The following RECQL4 variants were observed in gnomAD, a reference collection of about 807,000 sequenced individuals.
RECQL4 encodes the protein RecQ like helicase 4, also known as ATP-dependent DNA helicase Q4.
A neutral mutation model predicts 128.6 loss-of-function variants in RECQL4; 158 were observed. The ratio of observed to expected loss-of-function variants is 1.23; its 90% CI spans 1.08 to 1.40. The LOEUF is 1.40. Ranked by LOEUF, RECQL4 falls within the 40% of genes most tolerant of loss-of-function variation. RECQL4 has a pLI of 0.00. For synonymous variants in RECQL4, 996 were observed against 678.9 expected (o/e 1.47, Z -7.26); for missense variants, 2,293 against 1,649.8 (o/e 1.39, Z -6.75).
In RECQL4 at chr8:144,513,281, C is replaced by T. The variant is rs752611044; in HGVS notation, c.2400G>A (p.Gln800=). Residue 800 remains glutamine, a synonymous_variant, in exon 14 of 21, where the codon CAG becomes CAA. Coordinates refer to ENST00000617875, the MANE Select transcript of RECQL4 (RefSeq NM_004260.4). The part of the protein sequence containing the change: ...GLPPSFESYV[Q]AVGRAGRDGQ... ...CGTCACGCCCGGCCCGGCCCACGGC[C>T]TGCACGTAGCTCTCGAAGCTTGGGG... is the stretch of plus-strand genomic sequence containing the variant. The T allele has an allele frequency of 1.9e-6, 3 of 1,598,050 alleles. No homozygotes were observed. Among genetic ancestry groups the T allele is most frequent in the Non-Finnish European group, 2.5e-6 (3 of 1,178,738 alleles).
intron 16 of RECQL4, 35 bp downstream of exon 16, chr8:144,512,607 C>T (rs1169655519): frequency 1.2e-6 from 2 of 1,611,928 alleles, no homozygotes; most frequent in Non-Finnish European, 1.7e-6. Context: ...CCCTGATTCT[C>T]CAACCTCGTC....
At position 144,517,585 on chromosome 8, in the gene RECQL4, C is replaced by T. The variant is rs2130743239; in HGVS notation, c.118+17G>A. The stretch of plus-strand genomic sequence containing the variant: ...ACCCGGTGTCTTCTCGCCCCCGCCG[C>T]CCCGCCGCGCGCTCACCGCGGGTCT... On this transcript the variant is annotated intron_variant, in intron 2 of 20. Transcript: ENST00000617875. 1 of 1,479,682 alleles carries T rather than the reference C, an allele frequency of 6.8e-7. No individual in the cohort carries two copies. Among genetic ancestry groups the T allele is most frequent in the Non-Finnish European group, 8.9e-7 (1 of 1,124,102 alleles). 91.7% of individuals were successfully genotyped at this position (1,479,682 alleles called of 1,614,324 possible). A position where few individuals can be genotyped will look rare whatever the true frequency, so the allele number is the denominator to read the frequency against.
intron 9 of RECQL4, 76 bp downstream of exon 9, chr8:144,514,860 A>G (rs922177387): frequency 3.9e-6 from 6 of 1,544,592 alleles, no homozygotes; most frequent in Non-Finnish European, 4.4e-6. Context: ...GTTAGGGGAC[A>G]AGCAGCAGTT....
rs920518680 is a variant in RECQL4 at position 144,514,228 on chromosome 8, C to T, written c.1839G>A (p.Trp613Ter). ...CIDEAHCLSQWSHNFRPCYLR... is the reference protein window; with the variant it reads ...CIDEAHCLSQ ...GGTAGCAGGGCCGGAAGTTGTGGGA[C>T]CACTGGGAGAGGCAGTGGGCCTCAT... Residue 613 changes from tryptophan (W) to a stop codon, truncating the protein, a stop_gained, in exon 11 of 21, where the codon TGG (tryptophan) becomes TGA (stop). Coordinates refer to ENST00000617875, the MANE Select transcript of RECQL4 (RefSeq NM_004260.4). LOFTEE classifies it high-confidence loss of function. The T allele has an allele frequency of 6.2e-7, 1 of 1,612,322 alleles. No individual in the cohort carries two copies. The highest frequency in any genetic ancestry group is 1.7e-5 in the Admixed American group (1 of 59,990).
chr8:144,515,573 C>T, intron 6 of RECQL4, 116 bp from the exon 7 acceptor site: 1 of 1,525,826 alleles, frequency 6.6e-7, no homozygotes, highest in South Asian at 1.2e-5. Context: ...TTCCTCTGGG[C>T]TACTTTTTCC....
At chr8:144,514,151 C>T (rs746996246) in intron 11 of RECQL4, 38 bp downstream of exon 11, 146 of 1,610,968 alleles carry the variant, frequency 9.1e-5, no homozygotes, top group Non-Finnish European at 1.1e-4. Flanking sequence ...CAGCCCATCC[C>T]GGCCCTGGCC....
chr8:144,516,932 C>A (rs1815176795), intron 4 of RECQL4, 118 bp downstream of exon 4: 1 of 1,458,332 alleles, frequency 6.9e-7, no homozygotes, highest in South Asian at 1.4e-5. Flanking sequence ...CCTGAAGACT[C>A]GTGCCCTGGT....
In RECQL4 at chr8:144,512,958, C is replaced by A. The variant is rs771434161; in HGVS notation, c.2644G>T (p.Ala882Ser). The A allele has an allele frequency of 1.2e-5, 19 of 1,572,970 alleles. No homozygotes were observed. The highest frequency in any genetic ancestry group is 1.6e-5 in the Non-Finnish European group (19 of 1,159,602). ...GCTGCTTGGTGGCTAAGCTGCTCAG[C>A]CTCTTGAGGGGGGTACTTGGGCACA... ...RPVPKYPPQE[A>S]EQLSHQAAPG... Residue 882 changes from alanine to serine, a missense_variant, in exon 15 of 21, where the codon GCT becomes TCT. By Grantham distance (99) the Ala-to-Ser change is moderately conservative. Coordinates refer to ENST00000617875, the MANE Select transcript of RECQL4 (RefSeq NM_004260.4).
rs371503929 is a variant in RECQL4 at position 144,516,047 on chromosome 8, T to C, written c.1072A>G (p.Met358Val). The change falls in exon 5 of 21, where the codon ATG becomes GTG. Residue 358 changes from methionine to valine, a missense_variant. Transcript: ENST00000617875. The stretch of plus-strand genomic sequence containing the variant: ...CCCCGCACGTAGTGTTTCTGCTTCA[T>C]GTTGAGCCGTACGTAATTGCCCCTG... The part of the protein sequence containing the change: ...HDRGNYVRLN[M>V]KQKHYVRGRA... 21 of 1,612,402 alleles carry C rather than the reference T, an allele frequency of 1.3e-5. No homozygotes were observed. The highest frequency in any genetic ancestry group is 9.9e-5 in the South Asian group (9 of 91,086).
Position 144,513,224 on chromosome 8 carries a change from C to T in RECQL4, c.2457G>A (p.Gln819=), listed in dbSNP as rs754819629. 6.3e-7 allele frequency: 1 copy of T among 1,576,438 alleles called. No individual in the cohort carries two copies. Among genetic ancestry groups the T allele is most frequent in the Admixed American group, 1.7e-5 (1 of 58,918 alleles). The change falls in exon 14 of 21, where the codon CAG becomes CAA. Residue 819 remains glutamine (Q), a synonymous_variant. Coordinates refer to ENST00000617875, the MANE Select transcript of RECQL4 (RefSeq NM_004260.4). The part of the protein sequence containing the change: ...GQPAHCHLFL[Q]PQGEDLRELR... ...GGGGGGGGGGGGTGCCAACCTGGGG[C>T]TGCAGGAAGAGGTGGCAGTGGGCAG...
rs763131728 is a variant in RECQL4, at chr8:144,512,221, G to A, written c.3159C>T (p.Asp1053=). Residue 1053 remains aspartate (D), a synonymous_variant, in exon 18 of 21, where the codon GAC becomes GAT. Transcript: ENST00000617875. Reference sequence around the variant, plus strand: ...GGGCCTGCACACGGCCATAGAGGAAGTCACATATCTGGTCCTTCTCCTCAG... The same window carrying A: ...GGGCCTGCACACGGCCATAGAGGAAATCACATATCTGGTCCTTCTCCTCAG... ...LTAEEKDQIC[D]FLYGRVQARE... The A allele has an allele frequency of 3.7e-6, 6 of 1,612,456 alleles. No homozygotes were observed. In the African/African-American group the frequency reaches 5.3e-5, roughly 14 times the overall value.
rs1178719750 is a variant in RECQL4, at chr8:144,516,697, T to G, written c.422A>C (p.Lys141Thr). The G allele has an allele frequency of 4.5e-6, 7 of 1,559,252 alleles. No homozygotes were observed. The Admixed American group carries it at 1.3e-4, about 30-fold the overall frequency. ...GGGGACAGGCCCTGTACCTGGGGGC[T>G]TTGGGGTGGATGCCTTAGATGAGGC... Reference protein sequence around the residue: ...GRASSKASTPKPPGTGPVPSF... With the variant: ...GRASSKASTPTPPGTGPVPSF... The change falls in exon 5 of 21, where the codon AAG (lysine) becomes ACG (threonine). Residue 141 changes from lysine to threonine, a missense_variant. By Grantham distance (78) the Lys-to-Thr change is moderately conservative (BLOSUM62 -1). Transcript: ENST00000617875.
intron 6 of RECQL4, 34 bp downstream of exon 6, chr8:144,515,730 T>C (rs763314099): frequency 6.2e-7 from 1 of 1,608,886 alleles, no homozygotes; most frequent in East Asian, 2.2e-5. Flanking sequence ...TCCACAGTGT[T>C]GGCCGGACCC....
intron 4 of RECQL4, 77 bp from the exon 5 acceptor site, chr8:144,516,841 C>T: frequency 2.8e-6 from 4 of 1,427,946 alleles, no homozygotes; most frequent in East Asian, 4.6e-5. Flanking sequence ...TACCTGAGTC[C>T]CCACGCTCAA....
At position 144,513,202 on chromosome 8, in the gene RECQL4, G is replaced by T. The variant is rs747029514; in HGVS notation, c.2463+16C>A. ...GGGGCTCGAGCACTGGCAGTGTGGG[G>T]GGGGGGGGTGCCAACCTGGGGCTGC... On this transcript the variant is annotated intron_variant, in intron 14 of 20. Coordinates refer to ENST00000617875, the MANE Select transcript of RECQL4 (RefSeq NM_004260.4). 11,626 of 1,534,620 alleles carry T rather than the reference G, an allele frequency of 7.6e-3. 88 individuals carry two copies. Among genetic ancestry groups the T allele is most frequent in the Admixed American group, 9.3e-3 (531 of 57,038 alleles).
Position 144,515,088 on chromosome 8 carries a change from G to A in RECQL4, c.1484-16C>T. 2.5e-6 allele frequency: 4 copies of A among 1,597,384 alleles called. No homozygotes were observed. Among genetic ancestry groups the A allele is most frequent in the East Asian group, 2.3e-5 (1 of 44,016 alleles). On this transcript the variant is annotated splice_polypyrimidine_tract_variant and intron_variant, in intron 8 of 20. Coordinates refer to ENST00000617875, the MANE Select transcript of RECQL4 (RefSeq NM_004260.4). ...GTGGAGATGCCTGGATGGGGCGGGA[G>A]TCAGCAGCAGGGTTCTGCAGCCTGG... is the stretch of plus-strand genomic sequence containing the variant.
Position 144,511,491 on chromosome 8 carries a change from G to T in RECQL4, c.3567C>A (p.His1189Gln), listed in dbSNP as rs567937389. 1.2e-6 allele frequency: 2 copies of T among 1,612,620 alleles called. No homozygotes were observed. The highest frequency in any genetic ancestry group is 3.3e-5 in the Admixed American group (2 of 60,028). ...GGCCCACCAGGGCATGGAAGCTCAGGTGCAGGTATTTTCTCCAGAAGCGTC... is the reference window on the plus strand; with the variant it reads ...GGCCCACCAGGGCATGGAAGCTCAGTTGCAGGTATTTTCTCCAGAAGCGTC... Reference protein sequence around the residue: ...QDRRFWRKYLHLSFHALVGLA... With the variant: ...QDRRFWRKYLQLSFHALVGLA... The change falls in exon 21 of 21, where the codon CAC becomes CAA. Residue 1189 changes from histidine (H) to glutamine (Q), a missense_variant. Coordinates refer to ENST00000617875, the MANE Select transcript of RECQL4 (RefSeq NM_004260.4).
chr8:144,512,241 C>T lies in RECQL4; in HGVS notation c.3139G>A (p.Glu1047Lys), dbSNP rs1287050785. ...LRSPGDLTAE[E>K]KDQICDFLYG... ...AGGAAGTCACATATCTGGTCCTTCTCCTCAGCGGTCAAGTCCCCCGGGCTG... is the reference window on the plus strand; with the variant it reads ...AGGAAGTCACATATCTGGTCCTTCTTCTCAGCGGTCAAGTCCCCCGGGCTG... The change falls in exon 18 of 21, where the codon GAG becomes AAG. Residue 1047 changes from glutamate to lysine, a missense_variant. Glu to Lys is a moderately conservative substitution (Grantham distance 56). Coordinates refer to ENST00000617875, the MANE Select transcript of RECQL4 (RefSeq NM_004260.4). The T allele has an allele frequency of 6.2e-7, 1 of 1,612,396 alleles. No homozygotes were observed. Among genetic ancestry groups the T allele is most frequent in the South Asian group, 1.1e-5 (1 of 91,088 alleles).
Position 144,513,293 on chromosome 8 carries a change from C to T in RECQL4, c.2388G>A (p.Glu796=), listed in dbSNP as rs1378138545. The change falls in exon 14 of 21, where the codon GAG becomes GAA. Residue 796 remains glutamate, a synonymous_variant. Transcript: ENST00000617875. ...CCCGGCCCACGGCCTGCACGTAGCT[C>T]TCGAAGCTTGGGGGCAGCCCCAGAT... ...VLHLGLPPSF[E]SYVQAVGRAG... The T allele has an allele frequency of 3.1e-6, 5 of 1,599,520 alleles. No individual in the cohort carries two copies. Among genetic ancestry groups the T allele is most frequent in the South Asian group, 2.2e-5 (2 of 90,928 alleles).
Sources: gnomAD v4.1 joint callset for allele counts on GRCh38, gnomAD v4.1.1 for gene constraint, MANE v1.5 for transcripts, NCBI Gene and HGNC (gene_info 2026-07-23, HGNC 2026-07-21) for gene names.